SNX29: variants seen among roughly 807,000 people sequenced by gnomAD.
SNX29 encodes the protein sorting nexin-29.
A neutral mutation model predicts 102.1 loss-of-function variants in SNX29; 78 were observed. That is an observed-to-expected ratio of 0.76 (90% CI 0.64 to 0.92). The LOEUF is 0.92. Ranked by LOEUF, SNX29 falls within the 40% of genes least tolerant of loss-of-function variation. The pLI is 0.00. For synonymous variants in SNX29, 580 were observed against 414.5 expected (o/e 1.40, Z -4.85); for missense variants, 1,280 against 1,061.7 (o/e 1.21, Z -2.86).
chr16:12,552,556 A>C lies in SNX29; in HGVS notation c.2319-15950A>C, dbSNP rs572548787. 2.0e-5 allele frequency among the ~76,000 whole-genome samples: 3 copies of C among 152,312 alleles called. No individual in the cohort carries two copies. The South Asian group carries it at 6.2e-4, about 32-fold the overall frequency. ...TCAGTGATGTCCCCAGCACTGGCAC[A>C]CAGGCCAGCCAAGTTGCTGCCCTCA... is the stretch of plus-strand genomic sequence containing the variant. On this transcript the variant is annotated intron_variant, in intron 20 of 20. Transcript: ENST00000566228.
rs184956295 is a variant in SNX29, at chr16:12,494,064, G to A, written c.2178+16205G>A. On this transcript the variant is annotated intron_variant, in intron 19 of 20. Coordinates refer to ENST00000566228, the MANE Select transcript of SNX29 (RefSeq NM_032167.5). Reference sequence around the variant, plus strand: ...TTCTAGGATCATTTTATGTTTTCTGGATGCCATCCTTTGTCTACAAAGATA... The same window carrying A: ...TTCTAGGATCATTTTATGTTTTCTGAATGCCATCCTTTGTCTACAAAGATA... Among the ~76,000 whole-genome samples the A allele has an allele frequency of 4.5e-3, 692 of 152,112 alleles. 5 individuals are homozygous for A. The highest frequency in any genetic ancestry group is 0.014 in the Middle Eastern group (4 of 294).
chr16:12,571,940 T>C lies in SNX29; in HGVS notation c.*3311T>C, dbSNP rs146465887. 93 of 1,062,046 alleles carry C rather than the reference T, an allele frequency of 8.8e-5. No homozygotes were observed. In the African/African-American group the frequency reaches 1.4e-3, roughly 16 times the overall value. 65.8% of individuals were successfully genotyped at this position (1,062,046 alleles called of 1,614,324 possible). On this transcript the variant is annotated 3_prime_UTR_variant, in exon 21 of 21. Coordinates refer to ENST00000566228, the MANE Select transcript of SNX29 (RefSeq NM_032167.5). Reference sequence around the variant, plus strand: ...CAGGCCCTGGTGAAGGAAGACACTTTCAGGGAAGAGGCTCTTACAGTCTAT... The same window carrying C: ...CAGGCCCTGGTGAAGGAAGACACTTCCAGGGAAGAGGCTCTTACAGTCTAT...
chr16:12,358,446 G>A (rs1047106128), intron 16 of SNX29, among the ~76,000 whole-genome samples: 1 of 152,162 alleles, frequency 6.6e-6, no homozygotes, highest in Non-Finnish European at 1.5e-5. Flanking sequence ...GTGGGCGCCT[G>A]TAATCCCAGC....
chr16:12,078,779 G>T (rs2051713032), intron 10 of SNX29, 54 bp from the exon 11 acceptor site: 1 of 1,465,034 alleles, frequency 6.8e-7, no homozygotes, highest in Admixed American at 1.9e-5. Flanking sequence ...GGAATGGTGA[G>T]GGTGTGTACT....
At chr16:12,124,614 C>T (rs1201470362) in intron 11 of SNX29, among the ~76,000 whole-genome samples, 1 of 152,078 alleles carries the variant, frequency 6.6e-6, no homozygotes, top group Non-Finnish European at 1.5e-5. Flanking sequence ...ATTATTGTAC[C>T]AGAAATGTAT....
chr16:12,457,843 C>T (rs913430027), intron 18 of SNX29, among the ~76,000 whole-genome samples: 2 of 152,146 alleles, frequency 1.3e-5, no homozygotes, highest in African/African-American at 4.8e-5. Context: ...AACTGTATTA[C>T]GATGTTTGTG....
chr16:12,114,107 C>T (rs78506356), intron 11 of SNX29, among the ~76,000 whole-genome samples: 1,995 of 152,336 alleles, frequency 0.013, 50 homozygotes, highest in African/African-American at 0.045. Flanking sequence ...TTGCTGGCCA[C>T]GTTGCCTCCC....
intron 18 of SNX29, among the ~76,000 whole-genome samples, chr16:12,434,944 T>C (rs1385341916): frequency 6.9e-6 from 1 of 145,886 alleles, no homozygotes; most frequent in Non-Finnish European, 1.5e-5. Context: ...TGGCACTTGG[T>C]GTCTTTGGTG....
chr16:12,132,001 G>C (rs2054487450), intron 13 of SNX29, among the ~76,000 whole-genome samples: 1 of 152,122 alleles, frequency 6.6e-6, no homozygotes, highest in Admixed American at 6.5e-5. Flanking sequence ...CCATGCTAGA[G>C]TTTTGCCGCA....
intron 20 of SNX29, among the ~76,000 whole-genome samples, chr16:12,561,476 A>G (rs1014366486): frequency 3.3e-5 from 5 of 152,128 alleles, no homozygotes; most frequent in Admixed American, 6.5e-5. Flanking sequence ...TAAGTGGAGT[A>G]TTGACCGGCT....
chr16:11,990,523 T>G (rs1198970991), intron 1 of SNX29, among the ~76,000 whole-genome samples: 1 of 152,196 alleles, frequency 6.6e-6, no homozygotes, highest in African/African-American at 2.4e-5. Flanking sequence ...CCTCCTTTGC[T>G]TCTGCTTTCT....
chr16:12,562,923 G>A (rs2078810746), intron 20 of SNX29, among the ~76,000 whole-genome samples: 2 of 152,108 alleles, frequency 1.3e-5, no homozygotes, highest in African/African-American at 4.8e-5. Flanking sequence ...CGTCCATGTT[G>A]CCAAAAACCT....
chr16:12,523,117 G>A (rs1433629928), intron 19 of SNX29, among the ~76,000 whole-genome samples: 2 of 152,192 alleles, frequency 1.3e-5, no homozygotes, highest in Non-Finnish European at 2.9e-5. Flanking sequence ...CCTGGCCTGT[G>A]GGAGCTCTTC....
chr16:12,120,882 G>A (rs2053944914), intron 11 of SNX29, among the ~76,000 whole-genome samples: 1 of 152,116 alleles, frequency 6.6e-6, no homozygotes, highest in Non-Finnish European at 1.5e-5. Flanking sequence ...AAAGCTCAAC[G>A]GGAGCCTGAA....
chr16:12,227,950 AGCAGTAGTGGACTCGTCACCTGG>A (rs2077662246), intron 14 of SNX29, among the ~76,000 whole-genome samples: 1 of 144,142 alleles, frequency 6.9e-6, no homozygotes, highest in Non-Finnish European at 1.5e-5. Context: ...TCTCTGGACC[AGCAGTAGTGGACTCGTCACCTGG>A]GAGCATGTTA....
chr16:12,362,560 C>T (rs1451769838), intron 16 of SNX29, among the ~76,000 whole-genome samples: 2 of 34,256 alleles, frequency 5.8e-5, no homozygotes, highest in African/African-American at 8.9e-5. Context: ...CACTCCCCCC[C>T]CACCCCCCCC....
At chr16:12,539,018 C>CCATGAATCCAGAATG (rs2077204125) in intron 20 of SNX29, among the ~76,000 whole-genome samples, 1 of 152,158 alleles carries the variant, frequency 6.6e-6, no homozygotes, top group African/African-American at 2.4e-5. Flanking sequence ...CCAAAACCAT[C>CCATGAATCCAGAATG]CATGAATCCA....
At chr16:12,323,517 T>TA (rs33988318) in intron 15 of SNX29, among the ~76,000 whole-genome samples, 68,975 of 146,316 alleles carry the variant, frequency 0.47, 16,799 homozygotes, top group Non-Finnish European at 0.58. Flanking sequence ...CTAGAGGTTT[T>TA]AAAAAAAAAA....
chr16:12,324,942 T>C (rs2081073173), intron 15 of SNX29, among the ~76,000 whole-genome samples: 1 of 152,078 alleles, frequency 6.6e-6, no homozygotes, highest in South Asian at 2.1e-4. Context: ...GGACGCAAGC[T>C]CTTGGGTGGC....
Sources: allele counts gnomAD v4.1 joint callset (sites outside exome capture counted in the v4.1 genomes callset), GRCh38; gene constraint gnomAD v4.1.1; transcripts MANE v1.5; gene names NCBI Gene and HGNC (gene_info 2026-07-23, HGNC 2026-07-21).